The following TTLL11 variants were observed in gnomAD, a reference collection of about 807,000 sequenced individuals.
TTLL11 encodes the protein tubulin polyglutamylase TTLL11.
A neutral mutation model predicts 51.7 loss-of-function variants in TTLL11; 42 were observed. The ratio of observed to expected loss-of-function variants is 0.81; its 90% CI spans 0.64 to 1.05. TTLL11 has a LOEUF of 1.05. Among genes scored for constraint, TTLL11 ranks in the 50% least tolerant of loss-of-function variants. The pLI is 0.00. For synonymous variants in TTLL11, 381 were observed against 383.5 expected, an observed-to-expected ratio of 0.99 and a Z score of 0.08; for missense variants, 799 against 940.4, an observed-to-expected ratio of 0.85 and a Z score of 1.97.
At chr9:121,961,813 TG>T (rs1168928400) in intron 6 of TTLL11, among the ~76,000 whole-genome samples, 3 of 152,204 alleles carry the variant, frequency 2.0e-5, no homozygotes, top group Non-Finnish European at 4.4e-5. Context: ...CCCAGCACTT[TG>T]GGAGGCTGAG....
At chr9:121,843,575 G>T (rs1277639891) in intron 8 of TTLL11, among the ~76,000 whole-genome samples, 1 of 152,170 alleles carries the variant, frequency 6.6e-6, no homozygotes, top group Non-Finnish European at 1.5e-5. Context: ...GCTTCAGAAA[G>T]GGGTGGGGGA....
intron 3 of TTLL11, among the ~76,000 whole-genome samples, chr9:122,014,228 G>A (rs151318489): frequency 1.3e-5 from 2 of 152,126 alleles, no homozygotes; most frequent in Admixed American, 1.3e-4. Context: ...AGCTGGGCAT[G>A]GTGGCGCAGG....
chr9:121,959,364 G>C (rs558382111), intron 6 of TTLL11, among the ~76,000 whole-genome samples: 1 of 152,010 alleles, frequency 6.6e-6, no homozygotes, highest in Non-Finnish European at 1.5e-5. Context: ...ATGAGCCCCC[G>C]GCCCATGTAC....
chr9:121,899,365 G>GTGTGTATATATATACATATATATA (rs1226221957), intron 6 of TTLL11, among the ~76,000 whole-genome samples: 3 of 113,246 alleles, frequency 2.6e-5, no homozygotes, highest in African/African-American at 9.9e-5. Flanking sequence ...ATGTGTGTGT[G>GTGTGTATATATATACATATATATA]TATATATATA....
chr9:121,917,976 T>C (rs1233223364), intron 6 of TTLL11, among the ~76,000 whole-genome samples: 2 of 152,208 alleles, frequency 1.3e-5, no homozygotes, highest in East Asian at 3.8e-4. Flanking sequence ...GGCATTTTTT[T>C]TTTTTGAGGC....
chr9:121,860,474 C>A (rs1402251447), intron 7 of TTLL11, 31 bp from the exon 8 acceptor site: 2 of 1,528,664 alleles, frequency 1.3e-6, no homozygotes, highest in Admixed American at 2.0e-5. Flanking sequence ...CATGTCACTG[C>A]CAGCCTGAAA....
intron 6 of TTLL11, among the ~76,000 whole-genome samples, chr9:121,893,733 T>C (rs1564291618): frequency 6.6e-6 from 1 of 152,182 alleles, no homozygotes; most frequent in Non-Finnish European, 1.5e-5. Context: ...AGACAAAGAT[T>C]ATCCCACTTA....
intron 1 of TTLL11, among the ~76,000 whole-genome samples, chr9:122,074,150 T>G (rs1213945274): frequency 6.6e-6 from 1 of 151,924 alleles, no homozygotes; most frequent in Non-Finnish European, 1.5e-5. Context: ...GGTGCGCACA[T>G]ATAATACCAG....
intron 3 of TTLL11, among the ~76,000 whole-genome samples, chr9:121,994,408 T>A (rs906035867): frequency 1.3e-5 from 2 of 152,338 alleles, no homozygotes; most frequent in African/African-American, 4.8e-5. Context: ...ACACGCTTAC[T>A]GAGCACTTAT....
chr9:121,963,934 C>T (rs1044413769), intron 6 of TTLL11, among the ~76,000 whole-genome samples: 2 of 152,186 alleles, frequency 1.3e-5, no homozygotes, highest in African/African-American at 4.8e-5. Context: ...CGCAATGTAT[C>T]TTGAAGTCAG....
chr9:121,908,683 C>G (rs1840020818), intron 6 of TTLL11, among the ~76,000 whole-genome samples: 1 of 152,230 alleles, frequency 6.6e-6, no homozygotes, highest in Non-Finnish European at 1.5e-5. Context: ...ATTATGAGAA[C>G]AGACATGCAG....
intron 6 of TTLL11, among the ~76,000 whole-genome samples, chr9:121,875,948 G>A (rs1347726224): frequency 1.3e-5 from 2 of 152,180 alleles, no homozygotes; most frequent in African/African-American, 2.4e-5. Flanking sequence ...ATTTTGCCTG[G>A]AAAGTTAACT....
intron 6 of TTLL11, among the ~76,000 whole-genome samples, chr9:121,879,281 C>T (rs969898085): frequency 6.6e-6 from 1 of 152,186 alleles, no homozygotes; most frequent in African/African-American, 2.4e-5. Context: ...CTCCCCATCC[C>T]ATGTAACCAA....
chr9:121,932,097 A>G (rs919723705), intron 6 of TTLL11, among the ~76,000 whole-genome samples: 1 of 152,196 alleles, frequency 6.6e-6, no homozygotes, highest in African/African-American at 2.4e-5. Context: ...AATGTCCTAC[A>G]TAGCAAGCTT....
At chr9:121,831,492 C>A (rs1395397177) in intron 8 of TTLL11, among the ~76,000 whole-genome samples, 6 of 152,002 alleles carry the variant, frequency 3.9e-5, no homozygotes, top group Admixed American at 3.9e-4. Context: ...TGAGGTCAGG[C>A]ATTCGAGACC....
chr9:121,894,832 G>A (rs1839390277), intron 6 of TTLL11, among the ~76,000 whole-genome samples: 1 of 152,084 alleles, frequency 6.6e-6, no homozygotes, highest in Admixed American at 6.5e-5. Flanking sequence ...AACCACCATG[G>A]CACATTGTAT....
chr9:122,061,485 G>A (rs757858925), intron 1 of TTLL11, among the ~76,000 whole-genome samples: 2 of 152,060 alleles, frequency 1.3e-5, no homozygotes, highest in African/African-American at 2.4e-5. Flanking sequence ...CTCTAGAAGT[G>A]GAATTTTTGG....
At chr9:121,898,440 G>A (rs1839628591) in intron 6 of TTLL11, among the ~76,000 whole-genome samples, 1 of 152,278 alleles carries the variant, frequency 6.6e-6, no homozygotes, top group Non-Finnish European at 1.5e-5. Context: ...GGATAGCAGA[G>A]GTGGCTGAAG....
chr9:122,023,986 G>A (rs533154229), intron 3 of TTLL11, among the ~76,000 whole-genome samples: 5 of 152,078 alleles, frequency 3.3e-5, no homozygotes, highest in Non-Finnish European at 7.4e-5. Context: ...AGAAATAAAC[G>A]GCTAATTACA....
Sources: allele counts gnomAD v4.1 joint callset (sites outside exome capture counted in the v4.1 genomes callset), GRCh38; gene constraint gnomAD v4.1.1; transcripts MANE v1.5; gene names NCBI Gene and HGNC (gene_info 2026-07-23, HGNC 2026-07-21).